The following USP6NL variants were observed in gnomAD, a reference collection of about 807,000 sequenced individuals.
The protein encoded by USP6NL is USP6 N-terminal-like protein.
In USP6NL, 26 loss-of-function variants were observed where a neutral mutation model predicts 61.9. The ratio of observed to expected loss-of-function variants is 0.42; its 90% CI spans 0.31 to 0.58. The LOEUF (loss-of-function observed/expected upper bound fraction) is 0.58. Among genes scored for constraint, USP6NL ranks in the 20% least tolerant of loss-of-function variants. The pLI, the probability that USP6NL is intolerant of heterozygous loss-of-function variation, is 0.16. For missense variants in USP6NL, 1,114 were observed against 1,034.3 expected (o/e 1.08, Z -1.06); for synonymous variants, 432 against 390.1 (o/e 1.11, Z -1.27).
Position 11,598,940 on chromosome 10 carries a change from G to C in USP6NL, c.-83-1223C>G, listed in dbSNP as rs1343035346. Among the ~76,000 whole-genome samples, 1 of 152,176 alleles carries C rather than the reference G, an allele frequency of 6.6e-6. No homozygotes were observed. The highest frequency in any genetic ancestry group is 2.4e-5 in the African/African-American group (1 of 41,428). On this transcript the variant is annotated intron_variant, in intron 1 of 14. Coordinates refer to ENST00000609104, the MANE Select transcript of USP6NL (RefSeq NM_014688.5). The surrounding 1 kb of genome is among the most constrained non-coding windows in gnomAD (Gnocchi z 4.7). Reference sequence around the variant, plus strand: ...TCACAGTGCTGCCACGTAATACCCTGACCCCCAACCCACATGCTTTCCTCT... The same window carrying C: ...TCACAGTGCTGCCACGTAATACCCTCACCCCCAACCCACATGCTTTCCTCT...
At chr10:11,464,733 C>T (rs1252536170) in intron 14 of USP6NL, among the ~76,000 whole-genome samples, 1 of 152,240 alleles carries the variant, frequency 6.6e-6, no homozygotes, top group African/African-American at 2.4e-5. Flanking sequence ...TCTGGAACAG[C>T]TGGCAGAACC....
intron 1 of USP6NL, among the ~76,000 whole-genome samples, chr10:11,599,535 C>A (rs1204685969): frequency 6.6e-6 from 1 of 152,122 alleles, no homozygotes; most frequent in Admixed American, 6.5e-5. Context: ...CTTATAAACA[C>A]TAGACTTATA....
chr10:11,497,225 C>A (rs768807346), intron 7 of USP6NL, among the ~76,000 whole-genome samples: 7 of 149,260 alleles, frequency 4.7e-5, no homozygotes, highest in Non-Finnish European at 1.0e-4. Context: ...TTGGCTAACA[C>A]GGTGAAACCC....
At chr10:11,539,011 G>A (rs1835943926) in intron 2 of USP6NL, among the ~76,000 whole-genome samples, 1 of 152,204 alleles carries the variant, frequency 6.6e-6, no homozygotes, top group South Asian at 2.1e-4. Flanking sequence ...AAGTCACGTG[G>A]AGGAAATGCA....
chr10:11,543,499 G>A (rs555503747), intron 2 of USP6NL, among the ~76,000 whole-genome samples: 2 of 151,806 alleles, frequency 1.3e-5, no homozygotes, highest in Admixed American at 6.6e-5. Context: ...CTGAGATCAC[G>A]CCACTGCACT....
chr10:11,509,722 T>C, intron 5 of USP6NL, 47 bp from the exon 6 acceptor site: 1 of 1,448,824 alleles, frequency 6.9e-7, no homozygotes. Context: ...GTTTCTTTAC[T>C]TATGAGTTAT....
chr10:11,463,485 C>G lies in USP6NL; in HGVS notation c.1443G>C (p.Lys481Asn). The G allele has an allele frequency of 6.2e-7, 1 of 1,614,036 alleles. No homozygotes were observed. Among genetic ancestry groups the G allele is most frequent in the Non-Finnish European group, 8.5e-7 (1 of 1,179,904 alleles). The change falls in exon 15 of 15, where the codon AAG becomes AAC. Residue 481 changes from lysine (K) to asparagine (N), a missense_variant. Transcript: ENST00000609104. The surrounding 1 kb of genome is among the most constrained non-coding windows in gnomAD (Gnocchi z 6.3). ...GTTTATTCCATTTGGGCACAAACTC[C>G]TTCCTGATATTTGAAGTGGCGTTGC... is the stretch of plus-strand genomic sequence containing the variant. ...QNSNATSNIR[K>N]EFVPKWNKPS...
At chr10:11,555,433 A>AAAAAAAAAAAATATAT (rs1275798295) in intron 2 of USP6NL, among the ~76,000 whole-genome samples, 2 of 49,020 alleles carry the variant, frequency 4.1e-5, no homozygotes, top group Non-Finnish European at 6.8e-5. Flanking sequence ...AAAAAAAAAA[A>AAAAAAAAAAAATATAT]ATATATATAT....
intron 10 of USP6NL, among the ~76,000 whole-genome samples, chr10:11,486,870 A>T (rs554460215): frequency 2.4e-4 from 37 of 152,254 alleles, no homozygotes; most frequent in Admixed American, 1.7e-3. Context: ...CTGCCCCAAA[A>T]TGAAACTCTA....
chr10:11,535,071 C>G (rs1440225017), intron 2 of USP6NL, among the ~76,000 whole-genome samples: 1 of 152,198 alleles, frequency 6.6e-6, no homozygotes, highest in Non-Finnish European at 1.5e-5. Flanking sequence ...TTTCACTTAA[C>G]AGTACATCAT....
chr10:11,475,029 G>C (rs1420051755), intron 14 of USP6NL, among the ~76,000 whole-genome samples: 1 of 152,102 alleles, frequency 6.6e-6, no homozygotes, highest in African/African-American at 2.4e-5. Context: ...CTTCTATCTA[G>C]GTCATAAACT....
rs1834093224 is a variant in USP6NL, at chr10:11,499,720, G to A, written c.384+1381C>T. ...ACCAGAGGCTGGAGGAGGCCAGGAA[G>A]ATGCCTCCCTAGAGCCCTGAGAGAA... is the stretch of plus-strand genomic sequence containing the variant. On this transcript the variant is annotated intron_variant, in intron 7 of 14. Coordinates refer to ENST00000609104, the MANE Select transcript of USP6NL (RefSeq NM_014688.5). The surrounding 1 kb of genome is among the most constrained non-coding windows in gnomAD (Gnocchi z 4.5). 6.6e-6 allele frequency among the ~76,000 whole-genome samples: 1 copy of A among 152,226 alleles called. No homozygotes were observed.
intron 2 of USP6NL, among the ~76,000 whole-genome samples, chr10:11,581,088 C>T (rs902246328): frequency 6.6e-6 from 1 of 152,086 alleles, no homozygotes; most frequent in African/African-American, 2.4e-5. Flanking sequence ...TCTCTATTTT[C>T]TTCTTTTTGT....
In USP6NL at chr10:11,462,735, T is replaced by G. The variant is rs755019145; in HGVS notation, c.2193A>C (p.Pro731=). The change falls in exon 15 of 15, where the codon CCA becomes CCC. Residue 731 remains proline, a synonymous_variant. Coordinates refer to ENST00000609104, the MANE Select transcript of USP6NL (RefSeq NM_014688.5). The stretch of plus-strand genomic sequence containing the variant: ...TAACTTCTGACCATGTTCTGTTATC[T>G]GGCAAGTAATCCACTGGTGGAATGA... ...KLIIPPVDYL[P]DNRTWSEVSY... The G allele has an allele frequency of 9.9e-6, 16 of 1,613,940 alleles. No homozygotes were observed. Among genetic ancestry groups the G allele is most frequent in the Non-Finnish European group, 1.2e-5 (14 of 1,179,906 alleles).
chr10:11,581,747 T>A (rs1248383813), intron 2 of USP6NL, among the ~76,000 whole-genome samples: 1 of 152,250 alleles, frequency 6.6e-6, no homozygotes, highest in Admixed American at 6.5e-5. Flanking sequence ...TTCATTTCTT[T>A]GTCATTCTAC....
intron 1 of USP6NL, among the ~76,000 whole-genome samples, chr10:11,601,567 A>T (rs980239): frequency 0.041 from 6,284 of 152,282 alleles, 176 homozygotes; most frequent in Non-Finnish European, 0.054. Flanking sequence ...TAATATGAAA[A>T]ACCAAAACTT....
intron 2 of USP6NL, among the ~76,000 whole-genome samples, chr10:11,531,527 A>C (rs1405026684): frequency 6.6e-6 from 1 of 152,076 alleles, no homozygotes; most frequent in Non-Finnish European, 1.5e-5. Flanking sequence ...CATGTTGGCC[A>C]GGCTGGTCTC....
In USP6NL at chr10:11,588,614, GA is replaced by G. The variant is rs1182938550; in HGVS notation, c.4+9016del. 2.6e-5 allele frequency among the ~76,000 whole-genome samples: 4 copies of G among 151,758 alleles called. No homozygotes were observed. The East Asian group carries it at 5.8e-4, about 22-fold the overall frequency. On this transcript the variant is annotated intron_variant, in intron 2 of 14. Coordinates refer to ENST00000609104, the MANE Select transcript of USP6NL (RefSeq NM_014688.5). The stretch of plus-strand genomic sequence containing the variant: ...TGAGAAGAGACACACACTAATGAAA[GA>G]AAAAAAATAATGAAGGAAAACTTTG...
rs1203367344 is a variant in USP6NL, at chr10:11,490,316, A to G, written c.543+516T>C. Among the ~76,000 whole-genome samples the G allele has an allele frequency of 1.3e-5, 2 of 152,158 alleles. No homozygotes were observed. Among genetic ancestry groups the G allele is most frequent in the Non-Finnish European group, 2.9e-5 (2 of 68,008 alleles). On this transcript the variant is annotated intron_variant, in intron 9 of 14. Transcript: ENST00000609104. This position sits in a 1 kb window ranked among gnomAD's most constrained non-coding sequence, Gnocchi z 4.5. ...CTATCCCAGATTATCTTCTCCCCCA[A>G]CAATGCTGAATGCCTTAAGAAGAGC...
Sources: allele counts gnomAD v4.1 joint callset (sites outside exome capture counted in the v4.1 genomes callset), GRCh38; gene constraint gnomAD v4.1.1; non-coding constraint Gnocchi (gnomAD v3.1); transcripts MANE v1.5; gene names NCBI Gene and HGNC (gene_info 2026-07-23, HGNC 2026-07-21).